Variants in LUZP2 observed in about 807,000 individuals in gnomAD.
LUZP2 encodes leucine zipper protein 2.
Under a neutral mutation model 51.6 loss-of-function variants are expected in LUZP2, and 52 were observed. The ratio of observed to expected loss-of-function variants is 1.01; its 90% CI spans 0.81 to 1.27. The LOEUF (loss-of-function observed/expected upper bound fraction) is 1.27, where lower values mean the gene tolerates loss of function less well. LUZP2 is among the 50% of genes most tolerant of loss of function. The probability of loss-of-function intolerance (pLI) is 0.00; values close to 1 mark genes in which losing one functional copy is unlikely to be tolerated. For missense variants in LUZP2, 436 were observed against 395.4 expected (o/e 1.10, Z -0.87); for synonymous variants, 154 against 137.3 (o/e 1.12, Z -0.85).
chr11:24,703,163 T>C (rs1378646587), intron 1 of LUZP2, among the ~76,000 whole-genome samples: 1 of 152,234 alleles, frequency 6.6e-6, no homozygotes, highest in East Asian at 1.9e-4. Flanking sequence ...ATTATCTTAC[T>C]GTTCATCATT....
intron 1 of LUZP2, among the ~76,000 whole-genome samples, chr11:24,683,953 G>C (rs550832888): frequency 6.6e-6 from 1 of 151,810 alleles, no homozygotes; most frequent in Non-Finnish European, 1.5e-5. Flanking sequence ...TCTTGATCTC[G>C]GGGGACAGAC....
intron 9 of LUZP2, among the ~76,000 whole-genome samples, chr11:25,048,093 G>A (rs1195592992): frequency 6.6e-6 from 1 of 152,106 alleles, no homozygotes; most frequent in Admixed American, 6.5e-5. Flanking sequence ...ATACAGGCCT[G>A]AGGCACTGCA....
intron 9 of LUZP2, among the ~76,000 whole-genome samples, chr11:25,037,266 G>A (rs1204168537): frequency 1.3e-5 from 2 of 152,106 alleles, no homozygotes; most frequent in Admixed American, 6.6e-5. Flanking sequence ...TGTGATATAA[G>A]AATAGCTATT....
At chr11:24,692,369 G>A (rs1358342869) in intron 1 of LUZP2, among the ~76,000 whole-genome samples, 2 of 151,992 alleles carry the variant, frequency 1.3e-5, no homozygotes, top group Non-Finnish European at 2.9e-5. Context: ...TCACAAGCAG[G>A]TGATACAAGT....
intron 9 of LUZP2, among the ~76,000 whole-genome samples, chr11:25,001,629 T>A (rs185760363): frequency 3.5e-4 from 53 of 152,322 alleles, no homozygotes; most frequent in African/African-American, 1.2e-3. Context: ...ATTATAGGTT[T>A]TAAATTTATC....
At chr11:24,815,314 C>T (rs1293491429) in intron 5 of LUZP2, among the ~76,000 whole-genome samples, 1 of 152,112 alleles carries the variant, frequency 6.6e-6, no homozygotes, top group Non-Finnish European at 1.5e-5. Flanking sequence ...ATTGATCTTA[C>T]TCTTTCTAAA....
intron 9 of LUZP2, among the ~76,000 whole-genome samples, chr11:24,985,823 G>T (rs973069679): frequency 2.6e-5 from 4 of 151,654 alleles, no homozygotes; most frequent in Admixed American, 2.0e-4. Flanking sequence ...ACTGAGGGAA[G>T]ACATCTGAAT....
intron 7 of LUZP2, among the ~76,000 whole-genome samples, chr11:24,952,910 T>C (rs185770502): frequency 6.6e-6 from 1 of 152,042 alleles, no homozygotes; most frequent in African/African-American, 2.4e-5. Context: ...GGCCCATCTC[T>C]GTGGCCTCAC....
At chr11:24,856,211 A>C (rs1851559899) in intron 5 of LUZP2, among the ~76,000 whole-genome samples, 2 of 152,134 alleles carry the variant, frequency 1.3e-5, no homozygotes, top group African/African-American at 4.8e-5. Context: ...TCTAACAATG[A>C]CTAATGTCTA....
In LUZP2 at chr11:24,896,113, A is replaced by G. The variant is rs1853034829; in HGVS notation, c.397-9878A>G. 2.0e-5 allele frequency among the ~76,000 whole-genome samples: 3 copies of G among 152,172 alleles called. No homozygotes were observed. The South Asian group carries it at 6.2e-4, about 31-fold the overall frequency. Reference sequence around the variant, plus strand: ...TAGTGATGTTGAACATTTTCTCCATATTGAGAGATGACAACGTGCTAGCAG... The same window carrying G: ...TAGTGATGTTGAACATTTTCTCCATGTTGAGAGATGACAACGTGCTAGCAG... On this transcript the variant is annotated intron_variant, in intron 5 of 11. Transcript: ENST00000336930.
chr11:24,644,625 T>C (rs1855410161), intron 1 of LUZP2, among the ~76,000 whole-genome samples: 1 of 151,886 alleles, frequency 6.6e-6, no homozygotes, highest in Non-Finnish European at 1.5e-5. Flanking sequence ...GAAAGTGCAA[T>C]CAAATGGAGG....
intron 1 of LUZP2, among the ~76,000 whole-genome samples, chr11:24,708,052 C>T (rs1417880290): frequency 6.6e-6 from 1 of 151,904 alleles, no homozygotes; most frequent in African/African-American, 2.4e-5. Context: ...CAGGGCAGAG[C>T]AGGTAGCAGG....
intron 9 of LUZP2, among the ~76,000 whole-genome samples, chr11:25,007,343 C>T (rs1389426602): frequency 6.6e-6 from 1 of 152,202 alleles, no homozygotes; most frequent in African/African-American, 2.4e-5. Flanking sequence ...TGGCTCACAC[C>T]TGTAATCCTA....
At chr11:24,516,463 T>C (rs932885456) in intron 1 of LUZP2, among the ~76,000 whole-genome samples, 1 of 152,168 alleles carries the variant, frequency 6.6e-6, no homozygotes, top group Admixed American at 6.5e-5. Flanking sequence ...TGTGCTTACA[T>C]AGGAAGAAAA....
intron 5 of LUZP2, among the ~76,000 whole-genome samples, chr11:24,848,395 G>C (rs1851271514): frequency 6.6e-6 from 1 of 152,028 alleles, no homozygotes; most frequent in Non-Finnish European, 1.5e-5. Context: ...TGTTTGACCA[G>C]TTATCTGTGC....
chr11:24,970,293 C>A (rs1007811907), intron 7 of LUZP2, among the ~76,000 whole-genome samples: 1 of 152,152 alleles, frequency 6.6e-6, no homozygotes, highest in African/African-American at 2.4e-5. Flanking sequence ...CACATTCATG[C>A]AGCATATTAT....
At chr11:25,078,447 T>C in intron 11 of LUZP2, 107 bp from the exon 12 acceptor site, 1 of 768,202 alleles carries the variant, frequency 1.3e-6, no homozygotes. Flanking sequence ...CTAAGATATT[T>C]GTTGAGATCT....
chr11:24,996,956 T>C (rs1196267555), intron 9 of LUZP2, among the ~76,000 whole-genome samples: 1 of 151,236 alleles, frequency 6.6e-6, no homozygotes, highest in African/African-American at 2.4e-5. Flanking sequence ...ACTCATCATT[T>C]TTTATGGCTG....
At chr11:25,073,644 A>T (rs188105964) in intron 10 of LUZP2, among the ~76,000 whole-genome samples, 1 of 152,276 alleles carries the variant, frequency 6.6e-6, no homozygotes, top group East Asian at 1.9e-4. Flanking sequence ...TTCGTAAGAA[A>T]CGTTTTTGCA....
Sources: allele counts gnomAD v4.1 joint callset (sites outside exome capture counted in the v4.1 genomes callset), GRCh38; gene constraint gnomAD v4.1.1; transcripts MANE v1.5; gene names NCBI Gene and HGNC (gene_info 2026-07-23, HGNC 2026-07-21).